Variants in CACNG6 observed in about 807,000 individuals in gnomAD.
CACNG6 encodes voltage-dependent calcium channel gamma-6 subunit.
A neutral mutation model predicts 23.9 loss-of-function variants in CACNG6; 21 were observed. That is an observed-to-expected ratio of 0.88 (90% CI 0.62 to 1.26). CACNG6 has a LOEUF of 1.26. CACNG6 is among the 50% of genes most tolerant of loss of function. The pLI is 0.00. For missense variants in CACNG6, 340 were observed against 352.9 expected, an observed-to-expected ratio of 0.96 and a Z score of 0.29; for synonymous variants, 182 against 168.9, an observed-to-expected ratio of 1.08 and a Z score of -0.60.
intron 3 of CACNG6, among the ~76,000 whole-genome samples, chr19:54,008,497 G>A (rs961433312): frequency 9.9e-5 from 15 of 152,192 alleles, no homozygotes; most frequent in African/African-American, 3.6e-4. Flanking sequence ...CATGACTCAT[G>A]CGTGACTCTC....
chr19:53,997,053 A>T (rs2069527726), intron 1 of CACNG6, among the ~76,000 whole-genome samples: 1 of 151,084 alleles, frequency 6.6e-6, no homozygotes, highest in Non-Finnish European at 1.5e-5. Flanking sequence ...TATTTTTGGT[A>T]CAGACGGGGT....
intron 3 of CACNG6, among the ~76,000 whole-genome samples, chr19:54,005,435 C>CAAA (rs59213646): frequency 0.012 from 1,757 of 145,892 alleles, 22 homozygotes; most frequent in African/African-American, 0.037. Flanking sequence ...AACCTGATCT[C>CAAA]AAAAAAAAAT....
chr19:54,004,476 CCAAAGTGTTGGGATT>C (rs1432158304), intron 3 of CACNG6, among the ~76,000 whole-genome samples: 6 of 151,632 alleles, frequency 4.0e-5, no homozygotes, highest in Non-Finnish European at 7.4e-5. Context: ...CCTCAGCCTC[CCAAAGTGTTGGGATT>C]ACAGGTGTGA....
At chr19:54,002,792 T>C (rs1432549239) in intron 3 of CACNG6, among the ~76,000 whole-genome samples, 2 of 152,180 alleles carry the variant, frequency 1.3e-5, no homozygotes, top group Non-Finnish European at 2.9e-5. Flanking sequence ...ATGTTGTAAT[T>C]ACTGTGGTTA....
chr19:54,011,387 C>T (rs1476020875), intron 3 of CACNG6, among the ~76,000 whole-genome samples: 2 of 136,906 alleles, frequency 1.5e-5, no homozygotes, highest in Non-Finnish European at 3.1e-5. Context: ...GCTGAGATCG[C>T]ACCACTGCAC....
In CACNG6 at chr19:53,993,022, G is replaced by A; in HGVS notation, c.145G>A (p.Gly49Ser). ...VKLALLLAAV[G>S]ATLAVLSVGT... is the part of the protein sequence containing the mutation. ...GCTGGCGCTGCTGCTGGCCGCCGTG[G>A]GCGCCACGCTGGCGGTGCTGTCCGT... The change falls in exon 1 of 4, where the codon GGC (glycine) becomes AGC (serine). Residue 49 changes from glycine to serine, a missense_variant. By Grantham distance (56) the Gly-to-Ser change is moderately conservative. Transcript: ENST00000252729. The A allele has an allele frequency of 6.8e-7, 1 of 1,467,146 alleles. No homozygotes were observed. Among genetic ancestry groups the A allele is most frequent in the Non-Finnish European group, 9.0e-7 (1 of 1,110,544 alleles). 90.9% of individuals were successfully genotyped at this position (1,467,146 alleles called of 1,614,324 possible). A position where few individuals can be genotyped will look rare whatever the true frequency, so the allele number is the denominator to read the frequency against.
rs1347048587 is a variant in CACNG6 at position 54,012,255 on chromosome 19, A to G, written c.*66A>G. 2.8e-6 allele frequency: 2 copies of G among 712,598 alleles called. No homozygotes were observed. The highest frequency in any genetic ancestry group is 4.2e-6 in the Non-Finnish European group (2 of 472,136). 44.1% of individuals were successfully genotyped at this position (712,598 alleles called of 1,614,324 possible). ...TGACCTTCTCCATTGTACCCCCAAG[A>G]TCTTTTTGCCCCATCTCCTAGAGAA... is the stretch of plus-strand genomic sequence containing the variant. On this transcript the variant is annotated 3_prime_UTR_variant, in exon 4 of 4. Transcript: ENST00000252729.
chr19:54,008,854 G>A lies in CACNG6; in HGVS notation c.545-3097G>A, dbSNP rs79306282. Among the ~76,000 whole-genome samples, 1,345 of 152,218 alleles carry A rather than the reference G, an allele frequency of 8.8e-3. 20 individuals are homozygous for A. The highest frequency in any genetic ancestry group is 0.031 in the African/African-American group (1,301 of 41,526). ...CTGAGATTATCTTGTCTCCTCATTT[G>A]TTTATTTTGGACATTGCAACCTGGC... is the stretch of plus-strand genomic sequence containing the variant. On this transcript the variant is annotated intron_variant, in intron 3 of 3. Transcript: ENST00000252729.
chr19:53,995,147 C>T (rs2069508028), intron 1 of CACNG6, among the ~76,000 whole-genome samples: 1 of 152,044 alleles, frequency 6.6e-6, no homozygotes, highest in African/African-American at 2.4e-5. Context: ...TCAACAACTG[C>T]ATTATATCAC....
At chr19:53,998,647 G>A (rs1272953234) in intron 2 of CACNG6, among the ~76,000 whole-genome samples, 1 of 151,738 alleles carries the variant, frequency 6.6e-6, no homozygotes, top group Non-Finnish European at 1.5e-5. Flanking sequence ...GAGTAGCTGA[G>A]ACTATAGGCG....
At chr19:54,002,284 G>GTTTTTTTTTT (rs139176353) in intron 3 of CACNG6, among the ~76,000 whole-genome samples, 8 of 117,420 alleles carry the variant, frequency 6.8e-5, no homozygotes, top group South Asian at 2.5e-4. Context: ...TGTTTTTTTT[G>GTTTTTTTTTT]TTTTTTTTTT....
chr19:53,997,604 A>G (rs896341201), intron 1 of CACNG6, among the ~76,000 whole-genome samples: 5 of 152,044 alleles, frequency 3.3e-5, no homozygotes, highest in Non-Finnish European at 7.4e-5. Flanking sequence ...ATGTTGGCCA[A>G]TCTAATTGAT....
chr19:54,006,310 A>C (rs1373150049), intron 3 of CACNG6, among the ~76,000 whole-genome samples: 1 of 151,508 alleles, frequency 6.6e-6, no homozygotes, highest in Non-Finnish European at 1.5e-5. Context: ...TGCCAGGGCC[A>C]CCATAAGAAA....
At chr19:54,011,920 G>A (rs760231071) in intron 3 of CACNG6, 31 bp from the exon 4 acceptor site, 4 of 1,412,574 alleles carry the variant, frequency 2.8e-6, no homozygotes, top group South Asian at 3.2e-5. Flanking sequence ...GGTCGCGGGC[G>A]TCTGACTGCG....
At chr19:54,008,679 C>T (rs568409167) in intron 3 of CACNG6, among the ~76,000 whole-genome samples, 15 of 152,370 alleles carry the variant, frequency 9.8e-5, no homozygotes, top group African/African-American at 3.1e-4. Context: ...CTGCTCGGAA[C>T]AGCCGTTGCT....
In CACNG6 at chr19:53,992,377, T is replaced by C. The variant is rs2069470339; in HGVS notation, c.-501T>C. 1 of 152,480 alleles carries C rather than the reference T, an allele frequency of 6.6e-6. No individual in the cohort carries two copies. Among genetic ancestry groups the C allele is most frequent in the African/African-American group, 2.4e-5 (1 of 41,460 alleles). The allele number at this position is 152,480 out of a possible 1,614,324, so 9.4% of individuals were successfully genotyped here. On this transcript the variant is annotated 5_prime_UTR_variant, in exon 1 of 4. Coordinates refer to ENST00000252729, the MANE Select transcript of CACNG6 (RefSeq NM_145814.2). This position sits in a 1 kb window ranked among gnomAD's most constrained non-coding sequence, Gnocchi z 4.1. ...ACAGGACCTCAGGTCCCTTCCTGGG[T>C]ACCCCAAACTCTTAGCCCTAGTGGG... is the stretch of plus-strand genomic sequence containing the variant.
intron 3 of CACNG6, among the ~76,000 whole-genome samples, chr19:54,011,436 A>C (rs2069712421): frequency 6.9e-6 from 1 of 144,140 alleles, no homozygotes; most frequent in Admixed American, 6.9e-5. Context: ...GTCTCAAAAA[A>C]AAAAAAAAAA....
At position 53,999,752 on chromosome 19, in the gene CACNG6, C is replaced by T. The variant is rs760117769; in HGVS notation, c.525C>T (p.Ala175=). 17 of 1,613,852 alleles carry T rather than the reference C, an allele frequency of 1.1e-5. No homozygotes were observed. Among genetic ancestry groups the T allele is most frequent in the Middle Eastern group, 1.7e-4 (1 of 6,038 alleles). The change falls in exon 3 of 4, where the codon GCC becomes GCT. Residue 175 remains alanine (A), a synonymous_variant. Coordinates refer to ENST00000252729, the MANE Select transcript of CACNG6 (RefSeq NM_145814.2). Reference sequence around the variant, plus strand: ...CAGAGTTCCTGCTCCGAGTTGGAGCCGTCTGCTTTGGCCTCTCAGGTGAGG... The same window carrying T: ...CAGAGTTCCTGCTCCGAGTTGGAGCTGTCTGCTTTGGCCTCTCAGGTGAGG... The part of the protein sequence containing the change: ...KGAEFLLRVG[A]VCFGLSGLLL...
chr19:54,004,434 C>T (rs1052399315), intron 3 of CACNG6, among the ~76,000 whole-genome samples: 32 of 150,380 alleles, frequency 2.1e-4, no homozygotes, highest in African/African-American at 7.1e-4. Flanking sequence ...AGGCTGGCCT[C>T]GAACTCCTGA....
Sources: allele counts gnomAD v4.1 joint callset (sites outside exome capture counted in the v4.1 genomes callset), GRCh38; gene constraint gnomAD v4.1.1; non-coding constraint Gnocchi (gnomAD v3.1); transcripts MANE v1.5; gene names NCBI Gene and HGNC (gene_info 2026-07-23, HGNC 2026-07-21).